AUH: variants seen among roughly 807,000 people sequenced by gnomAD.
AUH encodes the protein AU RNA binding methylglutaconyl-CoA hydratase, also known as methylglutaconyl-CoA hydratase, mitochondrial.
AUH carries 29 observed loss-of-function variants against 42.3 expected under a neutral mutation model. That is an observed-to-expected ratio of 0.69 (90% CI 0.51 to 0.93). The LOEUF (loss-of-function observed/expected upper bound fraction) is 0.93. Among genes scored for constraint, AUH ranks in the 40% least tolerant of loss-of-function variants. The pLI, the probability that AUH is intolerant of heterozygous loss-of-function variation, is 0.00. For missense variants in AUH, 452 were observed against 438.1 expected, an observed-to-expected ratio of 1.03 and a Z score of -0.28; for synonymous variants, 174 against 166.4, an observed-to-expected ratio of 1.05 and a Z score of -0.35.
Position 91,328,206 on chromosome 9 carries a change from C to T in AUH, c.419-2802G>A, listed in dbSNP as rs914002946. On this transcript the variant is annotated intron_variant, in intron 3 of 9. Coordinates refer to ENST00000375731, the MANE Select transcript of AUH (RefSeq NM_001698.3). ...GACATCACTCACTCCAGCACTTACG[C>T]GCTCTCCTTGGCTGGCATCAATACT... Among the ~76,000 whole-genome samples, 18 of 152,168 alleles carry T rather than the reference C, an allele frequency of 1.2e-4. 1 individual carries two copies. The highest frequency in any genetic ancestry group is 3.9e-4 in the East Asian group (2 of 5,176).
At chr9:91,230,131 G>C (rs1326132088) in intron 6 of AUH, among the ~76,000 whole-genome samples, 1 of 151,386 alleles carries the variant, frequency 6.6e-6, no homozygotes, top group Non-Finnish European at 1.5e-5. Flanking sequence ...AAATTCTCCT[G>C]GATAATATCC....
Position 91,220,974 on chromosome 9 carries a change from G to A in AUH, c.674C>T (p.Pro225Leu), listed in dbSNP as rs1489712698. ...GGCCAGGGACATTCCAATGGCGCGT[G>A]GCAATCGCTGTGTCCCCCCTGAGGG... ...IPGGGGTQRL[P>L]RAIGMSLAKE... The change falls in exon 7 of 10, where the codon CCA becomes CTA. Residue 225 changes from proline to leucine, a missense_variant. Physicochemically the swap from Pro to Leu is moderately conservative, Grantham distance 98 (BLOSUM62 -3). Coordinates refer to ENST00000375731, the MANE Select transcript of AUH (RefSeq NM_001698.3). The A allele has an allele frequency of 6.2e-7, 1 of 1,614,176 alleles. No individual in the cohort carries two copies. Among genetic ancestry groups the A allele is most frequent in the South Asian group, 1.1e-5 (1 of 91,084 alleles).
intron 1 of AUH, among the ~76,000 whole-genome samples, chr9:91,360,098 A>G (rs895504043): frequency 4.6e-5 from 7 of 152,146 alleles, no homozygotes; most frequent in Non-Finnish European, 1.0e-4. Flanking sequence ...CTGTCCATTC[A>G]GATCCTAACT....
intron 4 of AUH, among the ~76,000 whole-genome samples, chr9:91,314,335 CA>C (rs1828973840): frequency 6.6e-6 from 1 of 151,452 alleles, no homozygotes; most frequent in Non-Finnish European, 1.5e-5. Flanking sequence ...CGAAACAACA[CA>C]AAACTTAGCC....
chr9:91,322,245 G>A (rs1480937250), intron 4 of AUH, among the ~76,000 whole-genome samples: 1 of 152,174 alleles, frequency 6.6e-6, no homozygotes, highest in Non-Finnish European at 1.5e-5. Flanking sequence ...AGAATCCACA[G>A]AACAGAAAGA....
intron 6 of AUH, among the ~76,000 whole-genome samples, chr9:91,266,096 C>T (rs934939833): frequency 1.3e-5 from 2 of 152,144 alleles, no homozygotes; most frequent in Non-Finnish European, 2.9e-5. Flanking sequence ...GGCACGGTGG[C>T]TCATGCGTGT....
intron 4 of AUH, among the ~76,000 whole-genome samples, chr9:91,320,892 T>G (rs1433269885): frequency 6.6e-6 from 1 of 152,250 alleles, no homozygotes; most frequent in Non-Finnish European, 1.5e-5. Context: ...TATTAACTTT[T>G]GTCTTTTTGA....
intron 6 of AUH, among the ~76,000 whole-genome samples, chr9:91,251,586 A>G (rs1829129437): frequency 6.6e-6 from 1 of 152,224 alleles, no homozygotes; most frequent in Non-Finnish European, 1.5e-5. Flanking sequence ...ATAAGCTCCC[A>G]AAGAGCCTGT....
At chr9:91,307,168 G>C (rs1434364971) in intron 4 of AUH, among the ~76,000 whole-genome samples, 1 of 151,982 alleles carries the variant, frequency 6.6e-6, no homozygotes, top group East Asian at 1.9e-4. Context: ...TCTTGATTGT[G>C]GTGCTGTTTT....
chr9:91,280,880 T>C (rs1825905021), intron 6 of AUH, among the ~76,000 whole-genome samples: 3 of 152,236 alleles, frequency 2.0e-5, no homozygotes, highest in South Asian at 2.1e-4. Flanking sequence ...TTTCTGCACA[T>C]GGAAGTCCAA....
intron 6 of AUH, among the ~76,000 whole-genome samples, chr9:91,294,471 C>T (rs574097127): frequency 3.0e-4 from 45 of 152,068 alleles, no homozygotes; most frequent in African/African-American, 1.1e-3. Context: ...TCCCTTGAAC[C>T]GGGGAGGCAG....
At chr9:91,291,526 C>G (rs1266295532) in intron 6 of AUH, among the ~76,000 whole-genome samples, 3 of 152,168 alleles carry the variant, frequency 2.0e-5, no homozygotes, top group Admixed American at 1.3e-4. Context: ...ATAAATCCTT[C>G]TGGTGTTTTT....
At chr9:91,291,036 G>A (rs547593255) in intron 6 of AUH, among the ~76,000 whole-genome samples, 2 of 152,286 alleles carry the variant, frequency 1.3e-5, no homozygotes, top group East Asian at 1.9e-4. Flanking sequence ...CCTTCGAGAG[G>A]CTCTGTGAGA....
At chr9:91,234,364 G>A (rs903863084) in intron 6 of AUH, among the ~76,000 whole-genome samples, 3 of 152,184 alleles carry the variant, frequency 2.0e-5, no homozygotes, top group African/African-American at 4.8e-5. Flanking sequence ...GGGCAGTGAC[G>A]TGCAGACCTG....
chr9:91,312,307 T>C (rs894960344), intron 4 of AUH, among the ~76,000 whole-genome samples: 2 of 152,024 alleles, frequency 1.3e-5, no homozygotes, highest in African/African-American at 2.4e-5. Context: ...TTGTAGAAAA[T>C]GTGAATATAA....
intron 6 of AUH, among the ~76,000 whole-genome samples, chr9:91,263,093 C>G (rs1030237091): frequency 6.6e-6 from 1 of 152,220 alleles, no homozygotes; most frequent in African/African-American, 2.4e-5. Flanking sequence ...AGAAGCAGAA[C>G]AGTGCCAAGA....
chr9:91,335,113 A>G (rs959828760), intron 3 of AUH, among the ~76,000 whole-genome samples: 4 of 152,098 alleles, frequency 2.6e-5, no homozygotes, highest in African/African-American at 9.7e-5. Flanking sequence ...CTCTTTTTCT[A>G]TTTTCTCAAA....
intron 4 of AUH, among the ~76,000 whole-genome samples, chr9:91,311,748 A>G (rs749435326): frequency 2.0e-5 from 3 of 152,218 alleles, no homozygotes; most frequent in Non-Finnish European, 4.4e-5. Context: ...CAACACTGCC[A>G]CCACGAACTA....
chr9:91,297,958 A>G (rs972553925), intron 5 of AUH, 26 bp downstream of exon 5: 4 of 1,526,046 alleles, frequency 2.6e-6, no homozygotes, highest in Non-Finnish European at 3.6e-6. Context: ...TTTTTAAATT[A>G]TGTTTTTAAC....
Sources: gnomAD v4.1 joint callset for allele counts (sites outside exome capture counted in the v4.1 genomes callset) on GRCh38, gnomAD v4.1.1 for gene constraint, MANE v1.5 for transcripts, NCBI Gene and HGNC (gene_info 2026-07-23, HGNC 2026-07-21) for gene names.